The following ETNK2 variants were observed in gnomAD, a reference collection of about 807,000 sequenced individuals.
The protein encoded by ETNK2 is ethanolamine kinase-like protein.
In ETNK2, 33 loss-of-function variants were observed where a neutral mutation model predicts 46.2. The observed-to-expected ratio is 0.71, with a 90% CI of 0.54 to 0.96. ETNK2 has a LOEUF of 0.96. Among genes scored for constraint, ETNK2 ranks in the 40% least tolerant of loss-of-function variants. The probability of loss-of-function intolerance (pLI) is 0.00; values close to 1 mark genes in which losing one functional copy is unlikely to be tolerated. For synonymous variants in ETNK2, 194 were observed against 209.0 expected (o/e 0.93, Z 0.62); for missense variants, 445 against 509.7 (o/e 0.87, Z 1.22).
chr1:204,136,362 C>T (rs1203807675), intron 6 of ETNK2, among the ~76,000 whole-genome samples: 1 of 151,016 alleles, frequency 6.6e-6, no homozygotes, highest in African/African-American at 2.5e-5. Context: ...TGTCACTGTG[C>T]TCCAGCCTAG....
rs778153843 is a variant in ETNK2 at position 204,134,537 on chromosome 1, T to G, written c.1066A>C (p.Thr356Pro). ...CACCTGAGGAAATCAAAGTCGATGG[T>G]GGAGTACTGGTTCTGGATGAGGGCC... The part of the protein sequence containing the change: ...LWALIQNQYS[T>P]IDFDFLRYAV... Residue 356 changes from threonine to proline, a missense_variant, in exon 7 of 8, where the codon ACC (threonine) becomes CCC (proline). Thr to Pro is a conservative substitution (Grantham distance 38). Coordinates refer to ENST00000367202, the MANE Select transcript of ETNK2 (RefSeq NM_018208.4). 2 of 1,613,780 alleles carry G rather than the reference T, an allele frequency of 1.2e-6. No individual in the cohort carries two copies. Among genetic ancestry groups the G allele is most frequent in the East Asian group, 4.5e-5 (2 of 44,870 alleles).
In ETNK2 at chr1:204,137,125, C is replaced by T. The variant is rs750862892; in HGVS notation, c.993G>A (p.Val331=). ...TCACCAGGGCAAACTTGTTGACTTG[C>T]ACGTAGAGCCTTTGCACCTCCCTGG... ...VTPREVQRLY[V]QVNKFALASH... is the part of the protein sequence containing the mutation. The change falls in exon 6 of 8, where the codon GTG becomes GTA. Residue 331 remains valine (V), a synonymous_variant. Transcript: ENST00000367202. 1 of 1,613,828 alleles carries T rather than the reference C, an allele frequency of 6.2e-7. No individual in the cohort carries two copies. Among genetic ancestry groups the T allele is most frequent in the Admixed American group, 1.7e-5 (1 of 60,004 alleles).
Position 204,140,131 on chromosome 1 carries a change from G to A in ETNK2, c.785-13C>T, listed in dbSNP as rs768191151. The stretch of plus-strand genomic sequence containing the variant: ...AACCGCACGTGACCTATGAAGTAGA[G>A]GAGAATCGATGAGAGTTGGCCCAGG... On this transcript the variant is annotated splice_polypyrimidine_tract_variant and intron_variant, in intron 4 of 7. Transcript: ENST00000367202. 4.3e-6 allele frequency: 7 copies of A among 1,610,758 alleles called. No homozygotes were observed. Among genetic ancestry groups the A allele is most frequent in the Non-Finnish European group, 5.9e-6 (7 of 1,177,208 alleles).
At chr1:204,134,712 G>T in intron 6 of ETNK2, 124 bp from the exon 7 acceptor site, 1 of 1,600,474 alleles carries the variant, frequency 6.2e-7, no homozygotes, top group African/African-American at 1.3e-5. Flanking sequence ...AGATGTGGTG[G>T]GGTCTCCCTA....
chr1:204,149,993 G>A, intron 1 of ETNK2, 31 bp from the exon 2 acceptor site: 1 of 743,802 alleles, frequency 1.3e-6, no homozygotes, highest in Non-Finnish European at 2.2e-6. Flanking sequence ...TGCGTGGGTG[G>A]GTGGGTGGGG....
intron 5 of ETNK2, chr1:204,139,019 G>A (rs930551107): frequency 2.0e-5 from 3 of 152,130 alleles, no homozygotes; most frequent in African/African-American, 7.2e-5. Flanking sequence ...ATACATATGT[G>A]TGTGTGTGTG....
chr1:204,145,097 C>T (rs1343183451), intron 3 of ETNK2, among the ~76,000 whole-genome samples: 1 of 152,172 alleles, frequency 6.6e-6, no homozygotes, highest in Non-Finnish European at 1.5e-5. Flanking sequence ...GTGCTTATCT[C>T]GTCTAAATGA....
chr1:204,140,850 T>A (rs1053106551), intron 4 of ETNK2, among the ~76,000 whole-genome samples: 1 of 143,058 alleles, frequency 7.0e-6, no homozygotes, highest in Non-Finnish European at 1.5e-5. Context: ...TTAAATAGGG[T>A]CTTGCTCTGT....
rs1266976889 is a variant in ETNK2, at chr1:204,151,510, C to T, written c.258+85G>A. 1 of 1,524,944 alleles carries T rather than the reference C, an allele frequency of 6.6e-7. No homozygotes were observed. Among genetic ancestry groups the T allele is most frequent in the Non-Finnish European group, 8.8e-7 (1 of 1,133,082 alleles). The allele number at this position is 1,524,944 out of a possible 1,614,324, so 94.5% of individuals were successfully genotyped here. On this transcript the variant is annotated intron_variant, in intron 1 of 7. Transcript: ENST00000367202. The surrounding 1 kb of genome is among the most constrained non-coding windows in gnomAD (Gnocchi z 8.0). ...AGCCGCGCACCCCTGGGACTGACAC[C>T]CGGAAGGATGCGAGGACTGGGTCCC...
chr1:204,142,930 GA>G (rs1224852447), intron 3 of ETNK2: 2 of 152,104 alleles, frequency 1.3e-5, no homozygotes, highest in Admixed American at 1.3e-4. Flanking sequence ...CAAGCCTCCA[GA>G]TACCTCTTGC....
At position 204,151,622 on chromosome 1, in the gene ETNK2, A is replaced by G. The variant is rs961114956; in HGVS notation, c.231T>C (p.His77=). The G allele has an allele frequency of 3.2e-6, 5 of 1,548,530 alleles. No individual in the cohort carries two copies. Among genetic ancestry groups the G allele is most frequent in the Admixed American group, 2.0e-5 (1 of 50,954 alleles). ...TGGTCCGAACTTGCTCGGGTTTCCAATGCGGCCGCAGCTCCTGGATGAGGC... is the reference window on the plus strand; with the variant it reads ...TGGTCCGAACTTGCTCGGGTTTCCAGTGCGGCCGCAGCTCCTGGATGAGGC... ...ALRLIQELRP[H]WKPEQVRTKR... is the part of the protein sequence containing the mutation. The change falls in exon 1 of 8, where the codon CAT becomes CAC. Residue 77 remains histidine, a synonymous_variant. Coordinates refer to ENST00000367202, the MANE Select transcript of ETNK2 (RefSeq NM_018208.4). The surrounding 1 kb of genome is among the most constrained non-coding windows in gnomAD (Gnocchi z 8.0).
In ETNK2 at chr1:204,133,633, G is replaced by A. The variant is rs1035714835; in HGVS notation, c.1088+882C>T. Among the ~76,000 whole-genome samples, 6 of 151,460 alleles carry A rather than the reference G, an allele frequency of 4.0e-5. 1 individual carries two copies. In the South Asian group the frequency reaches 6.3e-4, roughly 16 times the overall value. ...TGCAAGCTCCGCCTCCCGGGTTCAC[G>A]CCATTCTCCTGCCTCAGCCTCCTGA... On this transcript the variant is annotated intron_variant, in intron 7 of 7. Transcript: ENST00000367202.
chr1:204,145,161 TC>T (rs1285768224), intron 3 of ETNK2, among the ~76,000 whole-genome samples: 1 of 152,172 alleles, frequency 6.6e-6, no homozygotes, highest in Non-Finnish European at 1.5e-5. Flanking sequence ...GCATGGATCA[TC>T]CCCTAAAGAG....
Position 204,151,566 on chromosome 1 carries a change from C to A in ETNK2, c.258+29G>T. Reference sequence around the variant, plus strand: ...CCCCCTGGCAGCCCTGGCAGGACCCCATCCTCGGCCCCGCGCCCACTCCGC... The same window carrying A: ...CCCCCTGGCAGCCCTGGCAGGACCCAATCCTCGGCCCCGCGCCCACTCCGC... On this transcript the variant is annotated intron_variant, in intron 1 of 7. Transcript: ENST00000367202. The surrounding 1 kb of genome is among the most constrained non-coding windows in gnomAD (Gnocchi z 8.0). The A allele has an allele frequency of 6.5e-7, 1 of 1,548,308 alleles. No homozygotes were observed. The highest frequency in any genetic ancestry group is 1.2e-5 in the South Asian group (1 of 84,014).
intron 3 of ETNK2, chr1:204,141,994 G>A: frequency 6.3e-6 from 1 of 158,824 alleles, no homozygotes; most frequent in Admixed American, 6.0e-5. Flanking sequence ...CTGGAGCAAT[G>A]GAGCTCTCTT....
chr1:204,151,672 C>T lies in ETNK2; in HGVS notation c.181G>A (p.Asp61Asn), dbSNP rs1430299179. The T allele has an allele frequency of 6.5e-7, 1 of 1,548,688 alleles. No individual in the cohort carries two copies. The highest frequency in any genetic ancestry group is 1.2e-5 in the South Asian group (1 of 83,992). ...CGCAGGGCCCCGGGAAGGATGTCGT[C>T]CGGGTCCACGGAAATGCCGAAGTAC... ...VAYFGISVDP[D>N]DILPGALRLI... Residue 61 changes from aspartate (D) to asparagine (N), a missense_variant, in exon 1 of 8, where the codon GAC (aspartate) becomes AAC (asparagine). Asp to Asn is a conservative substitution (Grantham distance 23, BLOSUM62 1). Coordinates refer to ENST00000367202, the MANE Select transcript of ETNK2 (RefSeq NM_018208.4). The surrounding 1 kb of genome is among the most constrained non-coding windows in gnomAD (Gnocchi z 8.0).
chr1:204,140,756 C>A (rs909440638), intron 4 of ETNK2, among the ~76,000 whole-genome samples: 4 of 151,654 alleles, frequency 2.6e-5, no homozygotes, highest in African/African-American at 9.7e-5. Context: ...AACTCCTGAC[C>A]TCATGATCCA....
At chr1:204,134,731 T>TG (rs776868904) in intron 6 of ETNK2, 143 bp from the exon 7 acceptor site, 1 of 1,569,598 alleles carries the variant, frequency 6.4e-7, no homozygotes. Flanking sequence ...TAGCACAAGC[T>TG]GGGGAAATTC....
chr1:204,141,660 G>A (rs1657547062), intron 3 of ETNK2: 6 of 589,408 alleles, frequency 1.0e-5, no homozygotes, highest in Non-Finnish European at 1.8e-5. Flanking sequence ...CTCTGGTTAT[G>A]CTAGGAAGCT....
Sources: gnomAD v4.1 joint callset for allele counts (sites outside exome capture counted in the v4.1 genomes callset) on GRCh38, gnomAD v4.1.1 for gene constraint, Gnocchi (gnomAD v3.1) non-coding constraint, MANE v1.5 for transcripts, NCBI Gene and HGNC (gene_info 2026-07-23, HGNC 2026-07-21) for gene names.